Variants in PTGR2 observed in about 807,000 individuals in gnomAD.
PTGR2 encodes the protein prostaglandin reductase 2.
Under a neutral mutation model 43.4 loss-of-function variants are expected in PTGR2, and 32 were observed. The ratio of observed to expected loss-of-function variants is 0.74; its 90% CI spans 0.56 to 0.99. The LOEUF (loss-of-function observed/expected upper bound fraction) is 0.99. Ranked by LOEUF, PTGR2 falls within the 50% of genes least tolerant of loss-of-function variation. The pLI is 0.00. For synonymous variants in PTGR2, 106 were observed against 139.2 expected (o/e 0.76, Z 1.68); for missense variants, 373 against 420.0 (o/e 0.89, Z 0.98).
chr14:73,862,230 CAG>C (rs1364502080), intron 3 of PTGR2, among the ~76,000 whole-genome samples: 1 of 151,308 alleles, frequency 6.6e-6, no homozygotes, highest in East Asian at 1.9e-4. Flanking sequence ...GTTTTTGAGA[CAG>C]AGTCTTGCTC....
intron 9 of PTGR2, among the ~76,000 whole-genome samples, chr14:73,883,766 G>A (rs1034883909): frequency 4.6e-5 from 7 of 152,090 alleles, no homozygotes; most frequent in East Asian, 1.9e-4. Context: ...GATTACAGTC[G>A]TGAGGCCCCA....
intron 5 of PTGR2, chr14:73,878,820 GATATTTTCAACTA>G: frequency 2.5e-6 from 1 of 402,556 alleles, no homozygotes; most frequent in East Asian, 5.3e-5. Context: ...TTTTGCTTAG[GATATTTTCAACTA>G]ATGATGGTTT....
Position 73,882,800 on chromosome 14 carries a change from C to CTTTTTTTTTTTTTTT in PTGR2, c.979+386_979+400dup, listed in dbSNP as rs35651032. Among the ~76,000 whole-genome samples, 2 of 41,868 alleles carry CTTTTTTTTTTTTTTT rather than the reference C, an allele frequency of 4.8e-5. 1 individual carries two copies. The highest frequency in any genetic ancestry group is 9.1e-5 in the Non-Finnish European group (2 of 21,900). 27.5% of individuals were successfully genotyped at this position (41,868 alleles called of 152,430 possible). A position where few individuals can be genotyped will look rare whatever the true frequency, so the allele number is the denominator to read the frequency against. The stretch of plus-strand genomic sequence containing the variant: ...CAAGCGTGAGCCACCACGCCTGGCC[C>CTTTTTTTTTTTTTTT]TTTTTTTTTTTTTTTTTTTTTTTTT... On this transcript the variant is annotated intron_variant, in intron 9 of 9. Transcript: ENST00000555661.
At chr14:73,881,659 A>T (rs1331217895) in intron 8 of PTGR2, among the ~76,000 whole-genome samples, 1 of 151,796 alleles carries the variant, frequency 6.6e-6, no homozygotes, top group East Asian at 1.9e-4. Context: ...CCTGATGCTT[A>T]TACCACCATA....
At chr14:73,866,883 G>A (rs564378708) in intron 3 of PTGR2, among the ~76,000 whole-genome samples, 1 of 152,028 alleles carries the variant, frequency 6.6e-6, no homozygotes, top group South Asian at 2.1e-4. Context: ...GAGGTCAGAC[G>A]TTCAGGACCA....
rs191429727 is a variant in PTGR2, at chr14:73,879,945, C to G, written c.730-110C>G. On this transcript the variant is annotated intron_variant, in intron 6 of 9. Coordinates refer to ENST00000555661, the MANE Select transcript of PTGR2 (RefSeq NM_001146154.2). ...CTAACAGGTAAATTAAAAAAAAAATCGAACTAGTTGACAGAAAGGATTAAA... is the reference window on the plus strand; with the variant it reads ...CTAACAGGTAAATTAAAAAAAAAATGGAACTAGTTGACAGAAAGGATTAAA... 140 of 1,038,220 alleles carry G rather than the reference C, an allele frequency of 1.3e-4. 2 individuals carry two copies. In the East Asian group the frequency reaches 3.0e-3, roughly 22 times the overall value. The allele number at this position is 1,038,220 out of a possible 1,614,324, so 64.3% of individuals were successfully genotyped here.
At chr14:73,883,073 G>A (rs558108248) in intron 9 of PTGR2, among the ~76,000 whole-genome samples, 43 of 151,004 alleles carry the variant, frequency 2.8e-4, no homozygotes, top group African/African-American at 9.2e-4. Flanking sequence ...TGCCTGCCTC[G>A]GCCTCTCAAA....
intron 3 of PTGR2, among the ~76,000 whole-genome samples, chr14:73,868,787 TAA>T (rs35329806): frequency 1.9e-4 from 28 of 148,032 alleles, no homozygotes; most frequent in Admixed American, 3.4e-4. Flanking sequence ...ACTTCTTCCT[TAA>T]AAAAAAAAAA....
In PTGR2 at chr14:73,874,218, A is replaced by G. The variant is rs760504885; in HGVS notation, c.348+4A>G. 1 of 1,599,016 alleles carries G rather than the reference A, an allele frequency of 6.3e-7. No homozygotes were observed. The highest frequency in any genetic ancestry group is 8.5e-7 in the Non-Finnish European group (1 of 1,170,110). On this transcript the variant is annotated splice_donor_region_variant and intron_variant, in intron 4 of 9. Transcript: ENST00000555661. ...GGATGGAAATAGCCTTGAAAAGGTG[A>G]TATATATATGAACATATCTGATTTT...
At chr14:73,884,008 G>C in intron 9 of PTGR2, 93 bp from the exon 10 acceptor site, 1 of 765,668 alleles carries the variant, frequency 1.3e-6, no homozygotes, top group Non-Finnish European at 2.1e-6. Context: ...CATTGAAAAA[G>C]TTATTTAACA....
At chr14:73,872,160 T>A (rs2054750375) in intron 3 of PTGR2, among the ~76,000 whole-genome samples, 1 of 152,162 alleles carries the variant, frequency 6.6e-6, no homozygotes, top group African/African-American at 2.4e-5. Context: ...CAAGAGAAGT[T>A]GTTAGCCTTC....
At chr14:73,854,171 C>T (rs904810467) in intron 1 of PTGR2, among the ~76,000 whole-genome samples, 1 of 152,070 alleles carries the variant, frequency 6.6e-6, no homozygotes, top group Non-Finnish European at 1.5e-5. Flanking sequence ...GGATCAGTTT[C>T]GGCTCACTGC....
Position 73,879,184 on chromosome 14 carries a change from A to T in PTGR2, c.608A>T (p.Asp203Val), listed in dbSNP as rs1407205746. The change falls in exon 6 of 10, where the codon GAT becomes GTT. Residue 203 changes from aspartate (D) to valine (V), a missense_variant. Transcript: ENST00000555661. ...CILLTSELGF[D>V]AAINYKKDNV... ...CTCTTGACCTCAGAACTGGGCTTTG[A>T]TGCTGCAATTAATTATAAAAAAGAC... 6.2e-7 allele frequency: 1 copy of T among 1,614,086 alleles called. No individual in the cohort carries two copies. The highest frequency in any genetic ancestry group is 2.2e-5 in the East Asian group (1 of 44,860).
chr14:73,862,007 A>C (rs746722319), intron 3 of PTGR2, among the ~76,000 whole-genome samples: 1 of 151,112 alleles, frequency 6.6e-6, no homozygotes, highest in Admixed American at 6.6e-5. Flanking sequence ...CTTCCCGAGT[A>C]GCTGGGATTG....
intron 3 of PTGR2, among the ~76,000 whole-genome samples, chr14:73,867,117 C>CAA (rs71115924): frequency 7.5e-6 from 1 of 133,720 alleles, no homozygotes; most frequent in Admixed American, 7.5e-5. Context: ...AACAAAAAAA[C>CAA]AAAAAAAAGA....
chr14:73,870,759 G>T (rs910867510), intron 3 of PTGR2, among the ~76,000 whole-genome samples: 13 of 152,086 alleles, frequency 8.5e-5, no homozygotes, highest in Admixed American at 8.5e-4. Context: ...CCAAAGTGGT[G>T]GGTTTACAGA....
intron 3 of PTGR2, 121 bp downstream of exon 3, chr14:73,860,778 T>C: frequency 1.4e-5 from 8 of 576,184 alleles, no homozygotes. Flanking sequence ...AGTTATATAT[T>C]GATACCTTTT....
chr14:73,873,303 A>G (rs942742335), intron 3 of PTGR2, among the ~76,000 whole-genome samples: 5 of 149,394 alleles, frequency 3.3e-5, no homozygotes, highest in African/African-American at 1.2e-4. Flanking sequence ...GCGAAACTCC[A>G]TGTCAAAAAA....
At chr14:73,869,714 T>A (rs2054681757) in intron 3 of PTGR2, among the ~76,000 whole-genome samples, 1 of 152,044 alleles carries the variant, frequency 6.6e-6, no homozygotes, top group Non-Finnish European at 1.5e-5. Flanking sequence ...AGACATTCTC[T>A]ATGCCTCATT....
Sources: gnomAD v4.1 joint callset for allele counts (sites outside exome capture counted in the v4.1 genomes callset) on GRCh38, gnomAD v4.1.1 for gene constraint, MANE v1.5 for transcripts, NCBI Gene and HGNC (gene_info 2026-07-23, HGNC 2026-07-21) for gene names.